The following CACNA2D3 variants were observed in gnomAD, a reference collection of about 807,000 sequenced individuals.
CACNA2D3 encodes the protein voltage-dependent calcium channel subunit alpha-2/delta-3.
Under a neutral mutation model 160.6 loss-of-function variants are expected in CACNA2D3, and 60 were observed. The observed-to-expected ratio is 0.37, with a 90% confidence interval of 0.30 to 0.46. The LOEUF is 0.46. Among genes scored for constraint, CACNA2D3 ranks in the 20% least tolerant of loss-of-function variants. CACNA2D3 has a pLI of 1.00. For synonymous variants in CACNA2D3, 558 were observed against 492.9 expected (o/e 1.13, Z -1.75); for missense variants, 1,205 against 1,365.0 (o/e 0.88, Z 1.85).
chr3:54,350,617 C>T (rs999121484), intron 3 of CACNA2D3, among the ~76,000 whole-genome samples: 9 of 152,232 alleles, frequency 5.9e-5, no homozygotes, highest in African/African-American at 2.2e-4. Context: ...TATTTGGAAA[C>T]ATCTAGAAGT....
At chr3:54,760,184 A>AT (rs769080199) in intron 12 of CACNA2D3, among the ~76,000 whole-genome samples, 2 of 152,210 alleles carry the variant, frequency 1.3e-5, no homozygotes, top group Non-Finnish European at 2.9e-5. Context: ...GAAGGGACTG[A>AT]TGCAGGGTGA....
intron 11 of CACNA2D3, among the ~76,000 whole-genome samples, chr3:54,734,896 C>T (rs1169480851): frequency 6.6e-6 from 1 of 152,194 alleles, no homozygotes; most frequent in African/African-American, 2.4e-5. Context: ...TGGGGATTAG[C>T]ATCCAGAAAA....
chr3:54,847,770 G>A (rs1698967624), intron 17 of CACNA2D3, among the ~76,000 whole-genome samples: 1 of 152,198 alleles, frequency 6.6e-6, no homozygotes, highest in Non-Finnish European at 1.5e-5. Flanking sequence ...AGACATTTAA[G>A]TCCAAAGACA....
intron 2 of CACNA2D3, among the ~76,000 whole-genome samples, chr3:54,163,187 T>C (rs369435422): frequency 6.6e-6 from 1 of 152,214 alleles, no homozygotes; most frequent in Admixed American, 6.5e-5. Flanking sequence ...GATTTGACAC[T>C]AAGTGCTTAT....
intron 11 of CACNA2D3, among the ~76,000 whole-genome samples, chr3:54,724,964 T>C (rs1039485414): frequency 6.6e-6 from 1 of 151,942 alleles, no homozygotes; most frequent in Non-Finnish European, 1.5e-5. Flanking sequence ...TTCAAAAAAT[T>C]AGTGAATCCA....
Position 54,805,491 on chromosome 3 carries a change from G to T in CACNA2D3, c.1381-11362G>T, listed in dbSNP as rs1202105359. 2.0e-5 allele frequency among the ~76,000 whole-genome samples: 3 copies of T among 152,250 alleles called. No individual in the cohort carries two copies. In the South Asian group the frequency reaches 6.2e-4, roughly 32 times the overall value. On this transcript the variant is annotated intron_variant, in intron 13 of 37. Transcript: ENST00000474759. The stretch of plus-strand genomic sequence containing the variant: ...TTCCTCAACACATACACCCTCCCAA[G>T]ACTAAACCAGGAAGAAGTTGAATCT...
chr3:54,224,793 T>G (rs1701640481), intron 2 of CACNA2D3, among the ~76,000 whole-genome samples: 1 of 152,162 alleles, frequency 6.6e-6, no homozygotes, highest in South Asian at 2.1e-4. Flanking sequence ...CACATTTACC[T>G]TTTTGGTTGC....
intron 2 of CACNA2D3, among the ~76,000 whole-genome samples, chr3:54,309,143 G>A (rs74971569): frequency 0.017 from 2,600 of 152,322 alleles, 73 homozygotes; most frequent in African/African-American, 0.058. Flanking sequence ...GGAATCTAGC[G>A]AATACTCAGG....
chr3:54,241,187 C>T (rs934553927), intron 2 of CACNA2D3, among the ~76,000 whole-genome samples: 1 of 152,192 alleles, frequency 6.6e-6, no homozygotes, highest in Non-Finnish European at 1.5e-5. Context: ...GCCAAACATT[C>T]AGTTTCTAAG....
rs778137651 is a variant in CACNA2D3 at position 54,780,157 on chromosome 3, AAGAG to A, written c.1380+15811_1380+15814del. ...TTGCTACAACATGGATGGTGGTACT[AAGAG>A]AGAGTCTAAAATATTGTCTCCAAAA... On this transcript the variant is annotated intron_variant, in intron 13 of 37. Coordinates refer to ENST00000474759, the MANE Select transcript of CACNA2D3 (RefSeq NM_018398.3). Among the ~76,000 whole-genome samples the A allele has an allele frequency of 8.5e-5, 13 of 152,348 alleles. No individual in the cohort carries two copies. The South Asian group carries it at 1.7e-3, about 19-fold the overall frequency.
chr3:54,593,002 C>T (rs555231654), intron 9 of CACNA2D3, among the ~76,000 whole-genome samples: 1 of 152,270 alleles, frequency 6.6e-6, no homozygotes, highest in Non-Finnish European at 1.5e-5. Context: ...TGTTATGAAT[C>T]ATAAGCAGAA....
At chr3:54,307,118 T>G (rs4072629) in intron 2 of CACNA2D3, among the ~76,000 whole-genome samples, 14 of 152,140 alleles carry the variant, frequency 9.2e-5, no homozygotes, top group Non-Finnish European at 1.8e-4. Flanking sequence ...GCATTTGAGT[T>G]AGTGGTGTCT....
intron 2 of CACNA2D3, among the ~76,000 whole-genome samples, chr3:54,307,614 G>T (rs992313477): frequency 3.3e-5 from 5 of 152,166 alleles, no homozygotes; most frequent in Non-Finnish European, 7.3e-5. Flanking sequence ...ATAAACCAGC[G>T]TCTCTTTACT....
At chr3:54,436,935 TAA>T (rs1237158836) in intron 4 of CACNA2D3, among the ~76,000 whole-genome samples, 1 of 152,098 alleles carries the variant, frequency 6.6e-6, no homozygotes, top group East Asian at 1.9e-4. Context: ...CAATTATACT[TAA>T]AGAGTGAAGA....
At chr3:54,148,974 C>CAAA (rs543235870) in intron 2 of CACNA2D3, among the ~76,000 whole-genome samples, 5 of 116,548 alleles carry the variant, frequency 4.3e-5, no homozygotes, top group Non-Finnish European at 7.0e-5. Context: ...AAAACTCCAT[C>CAAA]AAAAAAAAAA....
chr3:54,978,791 G>T (rs778434778), intron 29 of CACNA2D3, among the ~76,000 whole-genome samples: 1 of 151,984 alleles, frequency 6.6e-6, no homozygotes, highest in Non-Finnish European at 1.5e-5. Context: ...GAGATCACTG[G>T]TTGGTTCACA....
chr3:54,334,114 CAG>C (rs1704324888), intron 3 of CACNA2D3, among the ~76,000 whole-genome samples: 1 of 152,100 alleles, frequency 6.6e-6, no homozygotes, highest in Non-Finnish European at 1.5e-5. Context: ...TTTTTTGAGA[CAG>C]AGTCTCACTC....
chr3:54,478,448 C>T (rs989577640), intron 4 of CACNA2D3, among the ~76,000 whole-genome samples: 9 of 151,478 alleles, frequency 5.9e-5, no homozygotes, highest in South Asian at 2.1e-4. Context: ...CTCGCTAACA[C>T]GGTGAAACCC....
intron 3 of CACNA2D3, among the ~76,000 whole-genome samples, chr3:54,382,890 C>T (rs1459461091): frequency 2.0e-5 from 3 of 152,210 alleles, no homozygotes; most frequent in Non-Finnish European, 4.4e-5. Context: ...TTCTGTTGCC[C>T]AGGCTGGAGT....
Sources: allele counts gnomAD v4.1 joint callset (sites outside exome capture counted in the v4.1 genomes callset), GRCh38; gene constraint gnomAD v4.1.1; transcripts MANE v1.5; gene names NCBI Gene and HGNC (gene_info 2026-07-23, HGNC 2026-07-21).